The following RYR2 variants were observed in gnomAD, a reference collection of about 807,000 sequenced individuals.
The protein encoded by RYR2 is cardiac muscle ryanodine receptor-calcium release channel.
RYR2 carries 227 observed loss-of-function variants against 601.1 expected under a neutral mutation model. The ratio of observed to expected loss-of-function variants is 0.38; its 90% CI spans 0.34 to 0.42. The LOEUF is 0.42. Among genes scored for constraint, RYR2 ranks in the 10% least tolerant of loss-of-function variants. The pLI, the probability that RYR2 is intolerant of heterozygous loss-of-function variation, is 1.00. For synonymous variants in RYR2, 2,223 were observed against 2,175.1 expected (o/e 1.02, Z -0.61); for missense variants, 4,646 against 6,156.5 (o/e 0.75, Z 8.21).
chr1:237,674,575 C>A (rs1459830522), intron 59 of RYR2, among the ~76,000 whole-genome samples, 156 bp from the exon 60 acceptor site: 1 of 152,074 alleles, frequency 6.6e-6, no homozygotes, highest in African/African-American at 2.4e-5. Flanking sequence ...CTTACTTTTT[C>A]TTTGAGCTAC....
chr1:237,519,212 T>C (rs1004610185), intron 24 of RYR2, among the ~76,000 whole-genome samples: 2 of 152,216 alleles, frequency 1.3e-5, no homozygotes, highest in Non-Finnish European at 2.9e-5. Context: ...GCAAATATTT[T>C]CTTGCATTCT....
chr1:237,143,376 T>G (rs1351724819), intron 1 of RYR2, among the ~76,000 whole-genome samples: 1 of 152,168 alleles, frequency 6.6e-6, no homozygotes, highest in Admixed American at 6.5e-5. Context: ...TCTTACCCTC[T>G]CCTCAACTTT....
At chr1:237,694,420 A>G (rs1432157099) in intron 63 of RYR2, among the ~76,000 whole-genome samples, 1 of 152,084 alleles carries the variant, frequency 6.6e-6, no homozygotes, top group African/African-American at 2.4e-5. Context: ...ATCTGTAACT[A>G]TTTTCTTATC....
At chr1:237,594,114 C>G (rs971278324) in intron 33 of RYR2, among the ~76,000 whole-genome samples, 1 of 152,154 alleles carries the variant, frequency 6.6e-6, no homozygotes, top group Non-Finnish European at 1.5e-5. Context: ...GCCATTGACT[C>G]GCTGTGTGGC....
chr1:237,149,132 A>G (rs966704792), intron 1 of RYR2, among the ~76,000 whole-genome samples: 1 of 152,206 alleles, frequency 6.6e-6, no homozygotes, highest in African/African-American at 2.4e-5. Context: ...TTAGGCAATA[A>G]TTGATACCAA....
chr1:237,155,226 A>C (rs1230050347), intron 1 of RYR2, among the ~76,000 whole-genome samples: 2 of 131,726 alleles, frequency 1.5e-5, no homozygotes, highest in Non-Finnish European at 3.1e-5. Flanking sequence ...TCCAGGCTGG[A>C]GTGCAGTGGT....
chr1:237,433,032 TG>T (rs1194737567), intron 12 of RYR2, among the ~76,000 whole-genome samples: 1 of 55,960 alleles, frequency 1.8e-5, no homozygotes, highest in African/African-American at 1.4e-4. Flanking sequence ...GGTGACTGTG[TG>T]TGGGGGGGGG....
chr1:237,696,823 C>G (rs1054339313), intron 63 of RYR2, among the ~76,000 whole-genome samples: 1 of 152,258 alleles, frequency 6.6e-6, no homozygotes, highest in Admixed American at 6.5e-5. Flanking sequence ...TATATATTCT[C>G]AAGTTCTTCA....
chr1:237,273,387 T>C (rs1376586249), intron 2 of RYR2, among the ~76,000 whole-genome samples: 1 of 152,174 alleles, frequency 6.6e-6, no homozygotes, highest in Non-Finnish European at 1.5e-5. Context: ...TCCGGCTCTG[T>C]GGCCTGGTTC....
Position 237,680,438 on chromosome 1 carries a change from T to G in RYR2, c.8896-18T>G. ...AAGATTCCACTACGTAGATCTGTCT[T>G]CTTTTCCTTTCTTTCAGGTCGTTCT... is the stretch of plus-strand genomic sequence containing the variant. On this transcript the variant is annotated intron_variant, in intron 61 of 104. Coordinates refer to ENST00000366574, the MANE Select transcript of RYR2 (RefSeq NM_001035.3). 3 of 1,605,812 alleles carry G rather than the reference T, an allele frequency of 1.9e-6. No individual in the cohort carries two copies. Among genetic ancestry groups the G allele is most frequent in the Non-Finnish European group, 2.6e-6 (3 of 1,174,004 alleles).
At chr1:237,350,602 A>AAAATATATATATATATAT (rs1558665984) in intron 3 of RYR2, among the ~76,000 whole-genome samples, 1 of 37,010 alleles carries the variant, frequency 2.7e-5, no homozygotes, top group African/African-American at 1.0e-4. Flanking sequence ...AAAAAAAAAA[A>AAAATATATATATATATAT]ATATATATAT....
intron 3 of RYR2, among the ~76,000 whole-genome samples, chr1:237,350,472 G>A (rs1698669922): frequency 6.7e-6 from 1 of 148,778 alleles, no homozygotes; most frequent in Admixed American, 6.8e-5. Flanking sequence ...TCGGGAGGCT[G>A]AGGCAGGAGA....
At chr1:237,718,568 G>A (rs753434131) in intron 73 of RYR2, 47 bp downstream of exon 73, 1 of 951,606 alleles carries the variant, frequency 1.1e-6, no homozygotes, top group Non-Finnish European at 1.7e-6. Context: ...CTATACATTA[G>A]TTAATCTCTC....
chr1:237,374,272 G>A (rs1212971446), intron 6 of RYR2, among the ~76,000 whole-genome samples: 6 of 151,950 alleles, frequency 3.9e-5, no homozygotes, highest in African/African-American at 7.3e-5. Flanking sequence ...CTATAATCCC[G>A]GCACCTTGGG....
intron 36 of RYR2, among the ~76,000 whole-genome samples, chr1:237,611,272 A>C (rs1395093840): frequency 1.3e-5 from 2 of 152,216 alleles, no homozygotes; most frequent in African/African-American, 4.8e-5. Flanking sequence ...ATGGCGAATA[A>C]AAATTCAGAC....
chr1:237,663,204 C>T (rs1316007564), intron 56 of RYR2, among the ~76,000 whole-genome samples: 2 of 152,164 alleles, frequency 1.3e-5, no homozygotes, highest in Non-Finnish European at 2.9e-5. Context: ...CATAGATTGT[C>T]GTTTCTCCGT....
intron 1 of RYR2, among the ~76,000 whole-genome samples, chr1:237,226,072 A>C (rs975040721): frequency 6.6e-6 from 1 of 150,946 alleles, no homozygotes; most frequent in African/African-American, 2.4e-5. Flanking sequence ...AAAAAAAATT[A>C]AAGGTGTCCC....
intron 1 of RYR2, among the ~76,000 whole-genome samples, chr1:237,231,079 G>T (rs899795923): frequency 6.6e-6 from 1 of 152,038 alleles, no homozygotes; most frequent in Admixed American, 6.6e-5. Flanking sequence ...TTCTGTAGCC[G>T]ATTGAATTGT....
chr1:237,713,118 A>G (rs896926999), intron 71 of RYR2, among the ~76,000 whole-genome samples: 5 of 152,214 alleles, frequency 3.3e-5, no homozygotes, highest in East Asian at 1.9e-4. Context: ...CCGACAGCAC[A>G]TGAACTAGAA....
Sources: allele counts gnomAD v4.1 joint callset (sites outside exome capture counted in the v4.1 genomes callset), GRCh38; gene constraint gnomAD v4.1.1; transcripts MANE v1.5; gene names NCBI Gene and HGNC (gene_info 2026-07-23, HGNC 2026-07-21).